CYP27C1: variants seen among roughly 807,000 people sequenced by gnomAD.
The protein encoded by CYP27C1 is cytochrome P450 27C1.
CYP27C1 carries 29 observed loss-of-function variants against 40.6 expected under a neutral mutation model. The observed-to-expected ratio is 0.71, with a 90% confidence interval of 0.53 to 0.97. The LOEUF (loss-of-function observed/expected upper bound fraction) is 0.97, where lower values mean the gene tolerates loss of function less well. Ranked by LOEUF, CYP27C1 falls within the 50% of genes least tolerant of loss-of-function variation. The probability of loss-of-function intolerance (pLI) is 0.00; values close to 1 mark genes in which losing one functional copy is unlikely to be tolerated. For missense variants in CYP27C1, 390 were observed against 485.8 expected (o/e 0.80, Z 1.85); for synonymous variants, 198 against 186.8 (o/e 1.06, Z -0.49).
At chr2:127,215,191 T>TA (rs1167067469) in intron 1 of CYP27C1, among the ~76,000 whole-genome samples, 1 of 151,052 alleles carries the variant, frequency 6.6e-6, no homozygotes, top group African/African-American at 2.4e-5. Context: ...AGTAATGGCA[T>TA]AATCATTGGC....
chr2:127,189,358 C>A (rs1407029511), intron 8 of CYP27C1, among the ~76,000 whole-genome samples: 1 of 151,976 alleles, frequency 6.6e-6, no homozygotes, highest in Non-Finnish European at 1.5e-5. Context: ...GGGGCAGACG[C>A]CATTTATTTG....
rs1328730819 is a variant in CYP27C1 at position 127,201,701 on chromosome 2, C to T, written c.674-370G>A. On this transcript the variant is annotated intron_variant, in intron 3 of 8. Coordinates refer to ENST00000664447, the MANE Select transcript of CYP27C1 (RefSeq NM_001367502.1). This position sits in a 1 kb window ranked among gnomAD's most constrained non-coding sequence, Gnocchi z 6.0. ...TGAGCCCTGGGGAGGGGACAATCAC[C>T]GAGCGTGTCACTGCTCTCCCCCAAC... 2.0e-5 allele frequency among the ~76,000 whole-genome samples: 3 copies of T among 152,182 alleles called. No individual in the cohort carries two copies. Among genetic ancestry groups the T allele is most frequent in the African/African-American group, 7.2e-5 (3 of 41,424 alleles).
rs939325359 is a variant in CYP27C1 at position 127,201,431 on chromosome 2, G to A, written c.674-100C>T. On this transcript the variant is annotated intron_variant, in intron 3 of 8. Coordinates refer to ENST00000664447, the MANE Select transcript of CYP27C1 (RefSeq NM_001367502.1). This position sits in a 1 kb window ranked among gnomAD's most constrained non-coding sequence, Gnocchi z 6.0. ...TGCAACTTTCAAACGTGGTCCAGGT[G>A]CCTTTCATGAATGAGGCATCGTCCC... 33 of 1,147,052 alleles carry A rather than the reference G, an allele frequency of 2.9e-5. No homozygotes were observed. Among genetic ancestry groups the A allele is most frequent in the Non-Finnish European group, 3.5e-5 (28 of 804,964 alleles). The allele number at this position is 1,147,052 out of a possible 1,614,324, so 71.1% of individuals were successfully genotyped here. A position where few individuals can be genotyped will look rare whatever the true frequency, so the allele number is the denominator to read the frequency against.
rs1683488261 is a variant in CYP27C1, at chr2:127,218,597, T to C, written c.282+1392A>G. On this transcript the variant is annotated intron_variant, in intron 1 of 8. Coordinates refer to ENST00000664447, the MANE Select transcript of CYP27C1 (RefSeq NM_001367502.1). This position sits in a 1 kb window ranked among gnomAD's most constrained non-coding sequence, Gnocchi z 6.0. ...AAAATTGCTCCTCGCACGCCCGTTT[T>C]TCCATTAATGAGGGTTGGGGCTTCT... Among the ~76,000 whole-genome samples, 1 of 152,164 alleles carries C rather than the reference T, an allele frequency of 6.6e-6. No individual in the cohort carries two copies. Among genetic ancestry groups the C allele is most frequent in the Non-Finnish European group, 1.5e-5 (1 of 68,016 alleles).
chr2:127,216,101 A>G (rs1683425141), intron 1 of CYP27C1, among the ~76,000 whole-genome samples: 1 of 152,198 alleles, frequency 6.6e-6, no homozygotes, highest in Non-Finnish European at 1.5e-5. Context: ...GGGATGTAAA[A>G]TGGTGCAGAT....
rs1558931344 is a variant in CYP27C1 at position 127,204,551 on chromosome 2, G to GAGAGAGAGAAAGAAAGAAAGAA, written c.474-981_474-980insTTCTTTCTTTCTTTCTCTCTCT. 4.0e-3 allele frequency among the ~76,000 whole-genome samples: 206 copies of GAGAGAGAGAAAGAAAGAAAGAA among 51,298 alleles called. 15 individuals are homozygous for GAGAGAGAGAAAGAAAGAAAGAA. The highest frequency in any genetic ancestry group is 0.013 in the African/African-American group (195 of 14,722). The allele number at this position is 51,298 out of a possible 152,430, so 33.7% of individuals were successfully genotyped here. ...AAAGAAAGAAAGAGAGAGAGAGAGA[G>GAGAGAGAGAAAGAAAGAAAGAA]AGAGAGAAAGAAAGAAAGAAAGAAA... is the stretch of plus-strand genomic sequence containing the variant. On this transcript the variant is annotated intron_variant, in intron 2 of 8. Transcript: ENST00000664447.
At chr2:127,188,897 A>G (rs953843798) in intron 8 of CYP27C1, among the ~76,000 whole-genome samples, 1 of 152,154 alleles carries the variant, frequency 6.6e-6, no homozygotes, top group African/African-American at 2.4e-5. Flanking sequence ...CTTTGTCACT[A>G]TTAAAGAAAT....
chr2:127,189,246 A>G (rs970356994), intron 8 of CYP27C1, among the ~76,000 whole-genome samples: 2 of 147,988 alleles, frequency 1.4e-5, no homozygotes, highest in African/African-American at 2.5e-5. Flanking sequence ...TTCCTGTTCA[A>G]TCAAATATCT....
intron 1 of CYP27C1, among the ~76,000 whole-genome samples, chr2:127,210,312 G>A (rs1327215753): frequency 6.6e-6 from 1 of 152,170 alleles, no homozygotes. Context: ...AGCAAATGCT[G>A]AGGGATTTTG....
In CYP27C1 at chr2:127,185,498, A is replaced by G. The variant is rs1407114273; in HGVS notation, c.*1773T>C. 1.3e-5 allele frequency: 2 copies of G among 152,252 alleles called. No homozygotes were observed. Among genetic ancestry groups the G allele is most frequent in the Admixed American group, 1.3e-4 (2 of 15,290 alleles). 9.4% of individuals were successfully genotyped at this position (152,252 alleles called of 1,614,324 possible). ...TCTCAAACAGAATGCAATTTCATCT[A>G]GTTTATAAAACTTAATATACGTATA... On this transcript the variant is annotated 3_prime_UTR_variant, in exon 9 of 9. Transcript: ENST00000664447. This position sits in a 1 kb window ranked among gnomAD's most constrained non-coding sequence, Gnocchi z 4.9.
In CYP27C1 at chr2:127,200,994, C is replaced by T; in HGVS notation, c.883+128G>A. ...AAAAAAAATCCAAAAGTTATGGGTC[C>T]AAAAACTAACACGTGACTACATCTA... On this transcript the variant is annotated intron_variant, in intron 4 of 8. Coordinates refer to ENST00000664447, the MANE Select transcript of CYP27C1 (RefSeq NM_001367502.1). This position sits in a 1 kb window ranked among gnomAD's most constrained non-coding sequence, Gnocchi z 4.2. 1 of 980,920 alleles carries T rather than the reference C, an allele frequency of 1.0e-6. No homozygotes were observed. The highest frequency in any genetic ancestry group is 1.5e-6 in the Non-Finnish European group (1 of 656,290). The allele number at this position is 980,920 out of a possible 1,614,324, so 60.8% of individuals were successfully genotyped here.
intron 2 of CYP27C1, among the ~76,000 whole-genome samples, chr2:127,205,499 G>A (rs1177819588): frequency 6.6e-6 from 1 of 152,194 alleles, no homozygotes; most frequent in Non-Finnish European, 1.5e-5. Flanking sequence ...GGCGACCAAG[G>A]CTGGAGGTTC....
intron 8 of CYP27C1, among the ~76,000 whole-genome samples, chr2:127,188,709 T>C (rs953896859): frequency 6.6e-6 from 1 of 151,208 alleles, no homozygotes; most frequent in Non-Finnish European, 1.5e-5. Context: ...GAACCAGCCC[T>C]GCCTCCCAGG....
chr2:127,193,983 A>G (rs1682847001), intron 6 of CYP27C1, 116 bp from the exon 7 acceptor site: 5 of 1,161,902 alleles, frequency 4.3e-6, no homozygotes, highest in East Asian at 2.5e-5. Context: ...AAAGTAACAC[A>G]TGGTACATTT....
In CYP27C1 at chr2:127,219,309, G is replaced by A. The variant is rs952880607; in HGVS notation, c.282+680C>T. On this transcript the variant is annotated intron_variant, in intron 1 of 8. Transcript: ENST00000664447. The surrounding 1 kb of genome is among the most constrained non-coding windows in gnomAD (Gnocchi z 8.7). Reference sequence around the variant, plus strand: ...AGCTCTCCACTCCCAGGCCCCGGCGGCGTCCACCAGGCGCCCGCTGCCCCT... The same window carrying A: ...AGCTCTCCACTCCCAGGCCCCGGCGACGTCCACCAGGCGCCCGCTGCCCCT... Among the ~76,000 whole-genome samples, 23 of 152,098 alleles carry A rather than the reference G, an allele frequency of 1.5e-4. No individual in the cohort carries two copies. Among genetic ancestry groups the A allele is most frequent in the African/African-American group, 5.3e-4 (22 of 41,504 alleles).
rs943631636 is a variant in CYP27C1, at chr2:127,195,906, G to GC, written c.1048-406dup. On this transcript the variant is annotated intron_variant, in intron 5 of 8. Coordinates refer to ENST00000664447, the MANE Select transcript of CYP27C1 (RefSeq NM_001367502.1). The surrounding 1 kb of genome is among the most constrained non-coding windows in gnomAD (Gnocchi z 6.2). ...TGTGTGCCAGAAAGGGCCTCAGGCT[G>GC]CCCCCCGGCATCCCCAGGATGCTGG... 7.9e-5 allele frequency among the ~76,000 whole-genome samples: 12 copies of GC among 152,208 alleles called. No homozygotes were observed. In the East Asian group the frequency reaches 2.1e-3, roughly 27 times the overall value.
chr2:127,192,922 C>T (rs1268472706), intron 8 of CYP27C1, among the ~76,000 whole-genome samples, 172 bp downstream of exon 8: 2 of 152,190 alleles, frequency 1.3e-5, no homozygotes, highest in Non-Finnish European at 2.9e-5. Context: ...GTGAGCCTCC[C>T]GCCTCAGCCT....
intron 5 of CYP27C1, 83 bp downstream of exon 5, chr2:127,199,293 C>A: frequency 6.5e-7 from 1 of 1,541,340 alleles, no homozygotes; most frequent in Middle Eastern, 2.4e-4. Flanking sequence ...TCCTCCCGCT[C>A]CAAAAAAGTA....
chr2:127,207,695 G>C (rs1683256910), intron 1 of CYP27C1, among the ~76,000 whole-genome samples: 1 of 151,676 alleles, frequency 6.6e-6, no homozygotes, highest in African/African-American at 2.4e-5. Flanking sequence ...AATATTCTTA[G>C]AAATAAATTT....
Sources: gnomAD v4.1 joint callset for allele counts (sites outside exome capture counted in the v4.1 genomes callset) on GRCh38, gnomAD v4.1.1 for gene constraint, Gnocchi (gnomAD v3.1) non-coding constraint, MANE v1.5 for transcripts, NCBI Gene and HGNC (gene_info 2026-07-23, HGNC 2026-07-21) for gene names.